The following GZMA variants were observed in gnomAD, a reference collection of about 807,000 sequenced individuals.
The protein encoded by GZMA is granzyme A, also known as CTL tryptase.
A neutral mutation model predicts 21.1 loss-of-function variants in GZMA; 17 were observed. The ratio of observed to expected loss-of-function variants is 0.81; its 90% CI spans 0.55 to 1.21. GZMA has a LOEUF of 1.21. Among genes scored for constraint, GZMA ranks in the 50% most tolerant of loss-of-function variants. GZMA has a pLI of 0.00. For synonymous variants in GZMA, 90 were observed against 107.8 expected (o/e 0.83, Z 1.03); for missense variants, 306 against 315.9 (o/e 0.97, Z 0.24).
chr5:55,105,579 T>C lies in GZMA; in HGVS notation c.176T>C (p.Ile59Thr). ...AAAACCATCTGTGCTGGGGCTTTGA[T>C]TGCAAAAGACTGGGTGTTGACTGCA... ...DRKTICAGAL[I>T]AKDWVLTAAH... Residue 59 changes from isoleucine to threonine, a missense_variant, in exon 2 of 5, where the codon ATT becomes ACT. Ile to Thr is a moderately conservative substitution (Grantham distance 89). Transcript: ENST00000274306. 1.2e-6 allele frequency: 2 copies of C among 1,613,936 alleles called. No individual in the cohort carries two copies. Among genetic ancestry groups the C allele is most frequent in the Non-Finnish European group, 1.7e-6 (2 of 1,179,856 alleles).
chr5:55,109,432 C>A (rs1328454694), intron 4 of GZMA, among the ~76,000 whole-genome samples: 1 of 152,150 alleles, frequency 6.6e-6, no homozygotes. Flanking sequence ...TCTCTCAACA[C>A]CCTGGAATTG....
intron 1 of GZMA, among the ~76,000 whole-genome samples, chr5:55,103,779 G>A (rs1478060060): frequency 2.0e-5 from 3 of 152,118 alleles, no homozygotes; most frequent in East Asian, 1.9e-4. Flanking sequence ...AGGCTGAGGT[G>A]GGTGTTTCAC....
intron 1 of GZMA, among the ~76,000 whole-genome samples, chr5:55,102,974 C>T (rs56854666): frequency 4.6e-5 from 7 of 151,552 alleles, no homozygotes; most frequent in African/African-American, 1.5e-4. Context: ...CCAGGCTGGG[C>T]GACATAGTGA....
In GZMA at chr5:55,106,253, A is replaced by AAAAT. The variant is rs1312819887; in HGVS notation, c.215+639_215+642dup. Among the ~76,000 whole-genome samples the AAAAT allele has an allele frequency of 9.2e-3, 46 of 4,984 alleles. 21 individuals carry two copies. The highest frequency in any genetic ancestry group is 0.029 in the African/African-American group (44 of 1,506). 3.3% of individuals were successfully genotyped at this position (4,984 alleles called of 152,430 possible). A position where few individuals can be genotyped will look rare whatever the true frequency, so the allele number is the denominator to read the frequency against. On this transcript the variant is annotated intron_variant, in intron 2 of 4. Transcript: ENST00000274306. ...AAAATAAAATAAAATAAAATAAAAT[A>AAAAT]AAATAAAATAAATAAAATAAAATAA...
At chr5:55,103,711 G>C (rs533388980) in intron 1 of GZMA, among the ~76,000 whole-genome samples, 1 of 152,120 alleles carries the variant, frequency 6.6e-6, no homozygotes, top group East Asian at 1.9e-4. Flanking sequence ...AAGAACTCTG[G>C]TTTATCATAT....
intron 1 of GZMA, among the ~76,000 whole-genome samples, chr5:55,103,490 T>A (rs1307369566): frequency 6.6e-6 from 1 of 152,212 alleles, no homozygotes. Flanking sequence ...GAGTTGAGCA[T>A]GCATGGGTTA....
rs1034482620 is a variant in GZMA at position 55,107,990 on chromosome 5, G to A, written c.357+55G>A. 56 of 1,531,884 alleles carry A rather than the reference G, an allele frequency of 3.7e-5. 1 individual carries two copies. The East Asian group carries it at 6.1e-4, about 17-fold the overall frequency. The allele number at this position is 1,531,884 out of a possible 1,614,324, so 94.9% of individuals were successfully genotyped here. A position where few individuals can be genotyped will look rare whatever the true frequency, so the allele number is the denominator to read the frequency against. ...TCATAGAACCTTCTACAATCTGGCC[G>A]CCGACGTGAAAACCTTTCCTTGGTG... is the stretch of plus-strand genomic sequence containing the variant. On this transcript the variant is annotated intron_variant, in intron 3 of 4. Transcript: ENST00000274306.
chr5:55,109,850 C>T (rs956053041), intron 4 of GZMA, among the ~76,000 whole-genome samples, 171 bp from the exon 5 acceptor site: 1 of 152,134 alleles, frequency 6.6e-6, no homozygotes, highest in African/African-American at 2.4e-5. Context: ...TGAACCAATT[C>T]AAAAATATTA....
chr5:55,104,119 A>C (rs1742347180), intron 1 of GZMA, among the ~76,000 whole-genome samples: 1 of 152,238 alleles, frequency 6.6e-6, no homozygotes, highest in African/African-American at 2.4e-5. Flanking sequence ...GACTATATTC[A>C]GGCATGTTAA....
intron 1 of GZMA, 130 bp downstream of exon 1, chr5:55,102,882 C>T: frequency 1.5e-6 from 1 of 686,624 alleles, no homozygotes; most frequent in South Asian, 1.6e-5. Flanking sequence ...TAATGTTTAG[C>T]CAGGCACAAT....
rs753813097 is a variant in GZMA, at chr5:55,110,054, G to GT, written c.665dup (p.Arg223ProfsTer9). The GT allele has an allele frequency of 6.2e-7, 1 of 1,612,020 alleles. No individual in the cohort carries two copies. The highest frequency in any genetic ancestry group is 8.5e-7 in the Non-Finnish European group (1 of 1,179,222). ...TGGAAGCCCTTTGTTGTGCGAGGGT[G>GT]TTTTCCGAGGGGTCACTTCCTTTGG... is the stretch of plus-strand genomic sequence containing the variant. On this transcript the variant is annotated frameshift_variant, in exon 5 of 5. Coordinates refer to ENST00000274306, the MANE Select transcript of GZMA (RefSeq NM_006144.4). LOFTEE classifies it low-confidence loss of function (END_TRUNC).
chr5:55,105,638 A>T lies in GZMA; in HGVS notation c.215+20A>T, dbSNP rs1389111121. 1 of 1,606,880 alleles carries T rather than the reference A, an allele frequency of 6.2e-7. No homozygotes were observed. The highest frequency in any genetic ancestry group is 8.5e-7 in the Non-Finnish European group (1 of 1,174,422). ...TAACTTGTAAGTGCCTGGGTTTTTAAAAAAAAGTTTGTAAAGATACTCTAA... is the reference window on the plus strand; with the variant it reads ...TAACTTGTAAGTGCCTGGGTTTTTATAAAAAAGTTTGTAAAGATACTCTAA... On this transcript the variant is annotated intron_variant, in intron 2 of 4. Coordinates refer to ENST00000274306, the MANE Select transcript of GZMA (RefSeq NM_006144.4).
Position 55,108,397 on chromosome 5 carries a change from A to G in GZMA, c.627+3A>G. ...GAGGTGGAAGAGACTCGTGCAATGT[A>G]AGTAAAATAAGATCCCACGTTTCAG... On this transcript the variant is annotated splice_donor_region_variant and intron_variant, in intron 4 of 4. Transcript: ENST00000274306. The G allele has an allele frequency of 6.2e-7, 1 of 1,603,360 alleles. No individual in the cohort carries two copies. The highest frequency in any genetic ancestry group is 8.5e-7 in the Non-Finnish European group (1 of 1,172,162).
chr5:55,105,725 C>T, intron 2 of GZMA, 107 bp downstream of exon 2: 1 of 990,116 alleles, frequency 1.0e-6, no homozygotes, highest in Non-Finnish European at 1.5e-6. Context: ...GTAATCCCAG[C>T]ACTTTGGGAG....
intron 1 of GZMA, among the ~76,000 whole-genome samples, chr5:55,105,150 C>T (rs995504255): frequency 4.6e-5 from 7 of 152,190 alleles, no homozygotes; most frequent in Admixed American, 3.9e-4. Context: ...ACTGGCATTT[C>T]CTGCAGCAAC....
chr5:55,109,329 T>C (rs1257809643), intron 4 of GZMA, among the ~76,000 whole-genome samples: 2 of 152,170 alleles, frequency 1.3e-5, no homozygotes, highest in Non-Finnish European at 2.9e-5. Context: ...GGAACCCACA[T>C]GCAGCATCCT....
intron 1 of GZMA, among the ~76,000 whole-genome samples, chr5:55,103,703 G>T (rs757093112): frequency 1.3e-5 from 2 of 152,112 alleles, no homozygotes; most frequent in Non-Finnish European, 2.9e-5. Flanking sequence ...AATTCCCAAA[G>T]AACTCTGGTT....
At chr5:55,104,789 G>C (rs1742356806) in intron 1 of GZMA, among the ~76,000 whole-genome samples, 1 of 152,130 alleles carries the variant, frequency 6.6e-6, no homozygotes, top group Non-Finnish European at 1.5e-5. Flanking sequence ...ATGTCACTTA[G>C]GCAGAATTCT....
intron 1 of GZMA, among the ~76,000 whole-genome samples, chr5:55,102,968 G>T (rs2111747549): frequency 6.6e-6 from 1 of 152,014 alleles, no homozygotes; most frequent in South Asian, 2.1e-4. Context: ...TTGAGTCCAG[G>T]CTGGGCGACA....
Sources: allele counts gnomAD v4.1 joint callset (sites outside exome capture counted in the v4.1 genomes callset), GRCh38; gene constraint gnomAD v4.1.1; transcripts MANE v1.5; gene names NCBI Gene and HGNC (gene_info 2026-07-23, HGNC 2026-07-21).